GIGYF2: variants seen among roughly 807,000 people sequenced by gnomAD.
The protein encoded by GIGYF2 is GRB10-interacting GYF protein 2.
GIGYF2 carries 25 observed loss-of-function variants against 208.1 expected under a neutral mutation model. The ratio of observed to expected loss-of-function variants is 0.12; its 90% CI spans 0.09 to 0.17. GIGYF2 has a LOEUF of 0.17. GIGYF2 is among the 10% of genes least tolerant of loss of function. The probability of loss-of-function intolerance (pLI) is 1.00; values close to 1 mark genes in which losing one functional copy is unlikely to be tolerated. For missense variants in GIGYF2, 1,302 were observed against 1,579.4 expected (o/e 0.82, Z 2.98); for synonymous variants, 534 against 543.8 (o/e 0.98, Z 0.25).
chr2:232,819,788 TCC>T, intron 20 of GIGYF2, 37 bp from the exon 21 acceptor site: 2 of 365,662 alleles, frequency 5.5e-6, no homozygotes, highest in Non-Finnish European at 1.1e-5. Flanking sequence ...TAGACCTGAG[TCC>T]CTCCCCCACC....
intron 23 of GIGYF2, among the ~76,000 whole-genome samples, chr2:232,843,597 G>T (rs1701896679): frequency 6.6e-6 from 1 of 151,362 alleles, no homozygotes; most frequent in African/African-American, 2.4e-5. Context: ...TCTGAGGCCG[G>T]GCACTGTGGC....
chr2:232,845,015 C>T (rs1042802661), intron 25 of GIGYF2, among the ~76,000 whole-genome samples: 3 of 152,262 alleles, frequency 2.0e-5, no homozygotes, highest in Admixed American at 6.5e-5. Context: ...TCATCTTCAT[C>T]TTTCTTTCTT....
Position 232,845,766 on chromosome 2 carries a change from A to G in GIGYF2, c.3340A>G (p.Lys1114Glu). Residue 1114 changes from lysine (K) to glutamate (E), a missense_variant, in exon 26 of 29, where the codon AAA becomes GAA. By Grantham distance (56) the Lys-to-Glu change is moderately conservative (BLOSUM62 1). This residue lies in a region of GIGYF2 where 701 missense variants were observed against 793.0 expected (regional missense o/e 0.88). Coordinates refer to ENST00000373563, the MANE Select transcript of GIGYF2 (RefSeq NM_001103146.3). ...SVGVSNRQNK[K>E]VEEEEKLLKL... ...AGGTGTGTCTAACCGGCAGAATAAG[A>G]AAGTAGAAGAAGAAGAAAAGTTGCT... 6.2e-7 allele frequency: 1 copy of G among 1,607,906 alleles called. No individual in the cohort carries two copies. Among genetic ancestry groups the G allele is most frequent in the Non-Finnish European group, 8.5e-7 (1 of 1,174,248 alleles).
intron 22 of GIGYF2, among the ~76,000 whole-genome samples, chr2:232,836,320 ATATATATAT>A (rs1701620010): frequency 3.8e-5 from 1 of 26,508 alleles, no homozygotes; most frequent in African/African-American, 1.3e-4. Flanking sequence ...ATATATATAT[ATATATATAT>A]ACATATATAT....
At chr2:232,798,163 A>T (rs1700284401) in intron 14 of GIGYF2, among the ~76,000 whole-genome samples, 1 of 152,168 alleles carries the variant, frequency 6.6e-6, no homozygotes, top group African/African-American at 2.4e-5. Flanking sequence ...GAATGGAATC[A>T]CACTTTTGGA....
At chr2:232,819,768 A>T in intron 20 of GIGYF2, 59 bp from the exon 21 acceptor site, 1 of 841,690 alleles carries the variant, frequency 1.2e-6, no homozygotes, top group Non-Finnish European at 2.1e-6. Flanking sequence ...TGACATAATA[A>T]ATTGAATGAT....
chr2:232,831,525 C>T (rs1462260789), intron 21 of GIGYF2, among the ~76,000 whole-genome samples: 3 of 152,136 alleles, frequency 2.0e-5, no homozygotes, highest in African/African-American at 7.2e-5. Flanking sequence ...GATGAATATA[C>T]AAGAAGTAAG....
At chr2:232,765,765 A>G (rs181444211) in intron 8 of GIGYF2, 241 of 327,856 alleles carry the variant, frequency 7.4e-4, no homozygotes, top group African/African-American at 4.9e-3. Flanking sequence ...AGACATAGCA[A>G]TTTTTGGTTA....
At chr2:232,768,420 C>G in intron 8 of GIGYF2, 1 of 1,614,176 alleles carries the variant, frequency 6.2e-7, no homozygotes, top group Non-Finnish European at 8.5e-7. Flanking sequence ...GTAGGATGTC[C>G]TCCTTTGGCA....
intron 14 of GIGYF2, among the ~76,000 whole-genome samples, chr2:232,799,954 CTT>C (rs199504521): frequency 1.4e-5 from 2 of 141,504 alleles, no homozygotes; most frequent in African/African-American, 2.6e-5. Context: ...AGTCCTTTGC[CTT>C]TTTTTTTTTA....
chr2:232,710,653 T>A (rs1696348439), intron 2 of GIGYF2, among the ~76,000 whole-genome samples: 1 of 151,916 alleles, frequency 6.6e-6, no homozygotes, highest in African/African-American at 2.4e-5. Context: ...AAACACTAGA[T>A]ACTTTTTGAA....
At chr2:232,705,467 G>A (rs1421715683) in intron 2 of GIGYF2, 1 of 152,152 alleles carries the variant, frequency 6.6e-6, no homozygotes, top group Non-Finnish European at 1.5e-5. Context: ...GGAGCACAAT[G>A]GCGTGATCTC....
At chr2:232,764,270 CAGTG>C (rs1374457544) in intron 8 of GIGYF2, among the ~76,000 whole-genome samples, 1 of 152,222 alleles carries the variant, frequency 6.6e-6, no homozygotes, top group Non-Finnish European at 1.5e-5. Context: ...ACAACCCTCT[CAGTG>C]ACTCTGGGCT....
rs1356018121 is a variant in GIGYF2, at chr2:232,788,726, C to G, written c.712+1397C>G. On this transcript the variant is annotated intron_variant, in intron 9 of 28. Coordinates refer to ENST00000373563, the MANE Select transcript of GIGYF2 (RefSeq NM_001103146.3). ...ATATATTATCTTCTTCTCATCTTTT[C>G]TGAATCTTTCTTTCCCCCTAATATT... is the stretch of plus-strand genomic sequence containing the variant. The G allele has an allele frequency of 1.9e-4, 54 of 277,006 alleles. No homozygotes were observed. The Admixed American group carries it at 2.3e-3, about 12-fold the overall frequency. The allele number at this position is 277,006 out of a possible 1,614,324, so 17.2% of individuals were successfully genotyped here.
Position 232,790,818 on chromosome 2 carries a change from T to C in GIGYF2, c.833T>C (p.Ile278Thr), listed in dbSNP as rs1458976818. Residue 278 changes from isoleucine to threonine, a missense_variant, in exon 10 of 29, where the codon ATA becomes ACA. Ile to Thr is a moderately conservative substitution (Grantham distance 89). This residue lies in a region of GIGYF2 where 50 missense variants were observed against 42.3 expected (regional missense o/e 1.18). Coordinates refer to ENST00000373563, the MANE Select transcript of GIGYF2 (RefSeq NM_001103146.3). ...YRRVRSGSGS[I>T]DDDRDSLPEW... ...AGGGTTCGCTCTGGCAGTGGGAGCA[T>C]AGATGATGACAGGGATAGCTTGCCC... 6.2e-7 allele frequency: 1 copy of C among 1,613,952 alleles called. No individual in the cohort carries two copies. Among genetic ancestry groups the C allele is most frequent in the Non-Finnish European group, 8.5e-7 (1 of 1,179,974 alleles).
chr2:232,850,471 T>A (rs1227482539), intron 28 of GIGYF2, 62 bp downstream of exon 28: 31 of 1,436,530 alleles, frequency 2.2e-5, no homozygotes, highest in Non-Finnish European at 2.8e-5. Context: ...AGTTATCCTG[T>A]GTGAGTTTCC....
rs939545864 is a variant in GIGYF2 at position 232,758,915 on chromosome 2, A to T, written c.380-1565A>T. On this transcript the variant is annotated intron_variant, in intron 6 of 28. Coordinates refer to ENST00000373563, the MANE Select transcript of GIGYF2 (RefSeq NM_001103146.3). Reference sequence around the variant, plus strand: ...TTTTAGGATCTTAAATACAGTGTATACATTTCCTGAAGGGGAGAAGTACTT... The same window carrying T: ...TTTTAGGATCTTAAATACAGTGTATTCATTTCCTGAAGGGGAGAAGTACTT... Among the ~76,000 whole-genome samples the T allele has an allele frequency of 1.8e-4, 28 of 152,186 alleles. 1 individual carries two copies. Among genetic ancestry groups the T allele is most frequent in the African/African-American group, 6.3e-4 (26 of 41,454 alleles).
At chr2:232,755,210 G>A (rs1001977349) in intron 5 of GIGYF2, among the ~76,000 whole-genome samples, 4 of 151,962 alleles carry the variant, frequency 2.6e-5, no homozygotes, top group Admixed American at 2.6e-4. Flanking sequence ...TTGCTCTGTC[G>A]CCCAGGCTAG....
At chr2:232,825,842 T>TA (rs1470168560) in intron 21 of GIGYF2, among the ~76,000 whole-genome samples, 1 of 151,994 alleles carries the variant, frequency 6.6e-6, no homozygotes, top group African/African-American at 2.4e-5. Context: ...CTCCTAATGC[T>TA]ATCCCTCCCC....
Sources: gnomAD v4.1 joint callset for allele counts (sites outside exome capture counted in the v4.1 genomes callset) on GRCh38, gnomAD v4.1.1 for gene constraint, gnomAD v4.1.1 regional missense constraint, MANE v1.5 for transcripts, NCBI Gene and HGNC (gene_info 2026-07-23, HGNC 2026-07-21) for gene names.